Variants in SCAPER observed in about 807,000 individuals in gnomAD.
The protein encoded by SCAPER is S phase cyclin A-associated protein in the endoplasmic reticulum.
In SCAPER, 98 loss-of-function variants were observed where a neutral mutation model predicts 182.2. The ratio of observed to expected loss-of-function variants is 0.54; its 90% CI spans 0.46 to 0.64. The LOEUF (loss-of-function observed/expected upper bound fraction) is 0.64, where lower values mean the gene tolerates loss of function less well. Ranked by LOEUF, SCAPER falls within the 30% of genes least tolerant of loss-of-function variation. The probability of loss-of-function intolerance (pLI) is 0.00; values close to 1 mark genes in which losing one functional copy is unlikely to be tolerated. For missense variants in SCAPER, 1,432 were observed against 1,690.0 expected, an observed-to-expected ratio of 0.85 and a Z score of 2.68; for synonymous variants, 605 against 564.6, an observed-to-expected ratio of 1.07 and a Z score of -1.01.
intron 20 of SCAPER, among the ~76,000 whole-genome samples, chr15:76,685,436 A>T (rs1021732372): frequency 1.3e-5 from 2 of 152,126 alleles, no homozygotes; most frequent in Admixed American, 6.5e-5. Context: ...GTTACTGGAA[A>T]TAAGAGTTTA....
intron 21 of SCAPER, among the ~76,000 whole-genome samples, chr15:76,630,666 G>A (rs1025306607): frequency 3.3e-5 from 5 of 152,064 alleles, no homozygotes; most frequent in Non-Finnish European, 7.4e-5. Flanking sequence ...CTGAGAGACC[G>A]TTATTATTTC....
At chr15:76,738,565 G>A (rs932881197) in intron 15 of SCAPER, among the ~76,000 whole-genome samples, 2 of 151,794 alleles carry the variant, frequency 1.3e-5, no homozygotes, top group Non-Finnish European at 2.9e-5. Flanking sequence ...GACTTAGGAG[G>A]ACACTGTATG....
chr15:76,539,797 G>T (rs189033312), intron 23 of SCAPER, among the ~76,000 whole-genome samples: 1 of 151,922 alleles, frequency 6.6e-6, no homozygotes, highest in Non-Finnish European at 1.5e-5. Context: ...TGCCCGCCTC[G>T]GCCTTCCAAA....
chr15:76,891,684 A>G (rs892853126), intron 1 of SCAPER, among the ~76,000 whole-genome samples: 8 of 152,218 alleles, frequency 5.3e-5, no homozygotes, highest in Non-Finnish European at 1.2e-4. Flanking sequence ...CAAATGGAAG[A>G]ATATTCCATG....
intron 25 of SCAPER, among the ~76,000 whole-genome samples, chr15:76,466,585 T>A (rs2049673504): frequency 6.6e-6 from 1 of 151,758 alleles, no homozygotes; most frequent in African/African-American, 2.4e-5. Context: ...TTGTGAAGAT[T>A]TATTTTGCTC....
At chr15:76,780,268 C>T (rs148335576) in intron 8 of SCAPER, among the ~76,000 whole-genome samples, 27 of 152,386 alleles carry the variant, frequency 1.8e-4, no homozygotes, top group African/African-American at 6.5e-4. Context: ...TGGAGCCTCA[C>T]TCACTGCTAG....
rs901107640 is a variant in SCAPER at position 76,354,431 on chromosome 15, A to G, written c.3856-291T>C. 1 of 299,348 alleles carries G rather than the reference A, an allele frequency of 3.3e-6. No homozygotes were observed. Among genetic ancestry groups the G allele is most frequent in the Non-Finnish European group, 6.1e-6 (1 of 163,730 alleles). 18.5% of individuals were successfully genotyped at this position (299,348 alleles called of 1,614,324 possible). Reference sequence around the variant, plus strand: ...CGGAGTAAGGACGCCTATGAAATGGATTCAGAATGCACATTGCTTTAACAA... The same window carrying G: ...CGGAGTAAGGACGCCTATGAAATGGGTTCAGAATGCACATTGCTTTAACAA... On this transcript the variant is annotated intron_variant, in intron 29 of 31. Coordinates refer to ENST00000563290, the MANE Select transcript of SCAPER (RefSeq NM_020843.4). This position sits in a 1 kb window ranked among gnomAD's most constrained non-coding sequence, Gnocchi z 4.4.
intron 25 of SCAPER, among the ~76,000 whole-genome samples, chr15:76,466,448 TTCTG>T (rs1194162516): frequency 6.8e-6 from 1 of 147,174 alleles, no homozygotes; most frequent in Non-Finnish European, 1.5e-5. Flanking sequence ...TTTTTGTATT[TTCTG>T]TCTCTTTGTT....
intron 22 of SCAPER, among the ~76,000 whole-genome samples, chr15:76,583,893 C>T (rs962615955): frequency 6.6e-6 from 1 of 152,120 alleles, no homozygotes; most frequent in Admixed American, 6.5e-5. Flanking sequence ...AACAGAGCTA[C>T]CATATGATCT....
At chr15:76,808,956 A>G (rs576424412) in intron 5 of SCAPER, among the ~76,000 whole-genome samples, 49 of 152,318 alleles carry the variant, frequency 3.2e-4, no homozygotes, top group African/African-American at 1.0e-3. Flanking sequence ...TGGAACACAT[A>G]TTTAATACCT....
chr15:76,475,022 G>A (rs1289028182), intron 24 of SCAPER, among the ~76,000 whole-genome samples: 1 of 152,024 alleles, frequency 6.6e-6, no homozygotes, highest in Non-Finnish European at 1.5e-5. Flanking sequence ...ATGTCAACCA[G>A]CACCACTTCA....
intron 21 of SCAPER, among the ~76,000 whole-genome samples, chr15:76,657,034 A>G (rs1233230106): frequency 1.3e-5 from 2 of 152,186 alleles, no homozygotes; most frequent in East Asian, 3.9e-4. Context: ...AAGACAAGAA[A>G]TAATCAAAAT....
intron 25 of SCAPER, among the ~76,000 whole-genome samples, chr15:76,456,546 A>G (rs530386357): frequency 6.6e-6 from 1 of 152,358 alleles, no homozygotes; most frequent in East Asian, 1.9e-4. Flanking sequence ...GTATGCTCAG[A>G]AAGAATGTGT....
intron 20 of SCAPER, among the ~76,000 whole-genome samples, chr15:76,686,850 T>C (rs945630390): frequency 2.6e-5 from 4 of 151,992 alleles, no homozygotes; most frequent in African/African-American, 9.7e-5. Flanking sequence ...AAAATAAAAG[T>C]ATACATTTTA....
chr15:76,526,913 C>G (rs553816505), intron 23 of SCAPER, among the ~76,000 whole-genome samples: 49 of 151,674 alleles, frequency 3.2e-4, no homozygotes, highest in African/African-American at 1.2e-3. Context: ...CTCTTGTCGC[C>G]CAGGCTGGAG....
At chr15:76,618,872 C>A (rs2051745394) in intron 22 of SCAPER, among the ~76,000 whole-genome samples, 1 of 152,066 alleles carries the variant, frequency 6.6e-6, no homozygotes, top group African/African-American at 2.4e-5. Flanking sequence ...TGAGATGGAG[C>A]CTTGCTCTAT....
chr15:76,878,657 G>T lies in SCAPER; in HGVS notation c.6+5155C>A, dbSNP rs142435391. Among the ~76,000 whole-genome samples, 105 of 152,252 alleles carry T rather than the reference G, an allele frequency of 6.9e-4. 2 individuals are homozygous for T. The East Asian group carries it at 0.017, about 25-fold the overall frequency. Reference sequence around the variant, plus strand: ...AGACACTGAGTCAAAGCCAGGCATGGTAGCTCATGCCTGTAATCCTAGGAC... The same window carrying T: ...AGACACTGAGTCAAAGCCAGGCATGTTAGCTCATGCCTGTAATCCTAGGAC... On this transcript the variant is annotated intron_variant, in intron 2 of 31. Coordinates refer to ENST00000563290, the MANE Select transcript of SCAPER (RefSeq NM_020843.4).
intron 17 of SCAPER, among the ~76,000 whole-genome samples, chr15:76,719,037 T>C (rs1048022761): frequency 2.0e-5 from 3 of 152,072 alleles, no homozygotes; most frequent in African/African-American, 7.2e-5. Flanking sequence ...ACCCAGCTGA[T>C]CCCTCTTCTG....
chr15:76,840,417 C>CAAA (rs35131345), intron 5 of SCAPER, among the ~76,000 whole-genome samples: 1 of 103,216 alleles, frequency 9.7e-6, no homozygotes, highest in Non-Finnish European at 2.1e-5. Flanking sequence ...AGACCTGCCT[C>CAAA]AAAAAAAAAA....
Sources: gnomAD v4.1 joint callset for allele counts (sites outside exome capture counted in the v4.1 genomes callset) on GRCh38, gnomAD v4.1.1 for gene constraint, Gnocchi (gnomAD v3.1) non-coding constraint, MANE v1.5 for transcripts, NCBI Gene and HGNC (gene_info 2026-07-23, HGNC 2026-07-21) for gene names.